The following SPAG17 variants were observed in gnomAD, a reference collection of about 807,000 sequenced individuals.
The protein encoded by SPAG17 is sperm-associated antigen 17.
SPAG17 carries 169 observed loss-of-function variants against 273.6 expected under a neutral mutation model. The ratio of observed to expected loss-of-function variants is 0.62; its 90% CI spans 0.55 to 0.70. The LOEUF (loss-of-function observed/expected upper bound fraction) is 0.70. SPAG17 is among the 30% of genes least tolerant of loss of function. The pLI, the probability that SPAG17 is intolerant of heterozygous loss-of-function variation, is 0.00. For missense variants in SPAG17, 2,557 were observed against 2,627.8 expected, an observed-to-expected ratio of 0.97 and a Z score of 0.59; for synonymous variants, 825 against 873.2, an observed-to-expected ratio of 0.94 and a Z score of 0.97.
chr1:118,096,957 A>G (rs1345577667), intron 7 of SPAG17, among the ~76,000 whole-genome samples: 1 of 152,178 alleles, frequency 6.6e-6, no homozygotes, highest in East Asian at 1.9e-4. Flanking sequence ...TTTTGGGGCC[A>G]GGCATGGTGG....
At chr1:117,959,444 T>A (rs1652726271) in intron 48 of SPAG17, 2 of 1,600,912 alleles carry the variant, frequency 1.2e-6, no homozygotes, top group African/African-American at 2.7e-5. Flanking sequence ...TAACGTTGAC[T>A]TAGAACTGAA....
At chr1:118,097,255 C>T (rs918811645) in intron 7 of SPAG17, among the ~76,000 whole-genome samples, 2 of 150,288 alleles carry the variant, frequency 1.3e-5, no homozygotes, top group African/African-American at 4.9e-5. Flanking sequence ...GGAATAAAAG[C>T]AAGGGCTTAG....
intron 1 of SPAG17, among the ~76,000 whole-genome samples, chr1:118,177,780 A>G (rs984544059): frequency 1.3e-5 from 2 of 152,166 alleles, no homozygotes; most frequent in African/African-American, 4.8e-5. Flanking sequence ...ATGAGAGACT[A>G]TTATGAACAA....
chr1:117,978,118 G>A lies in SPAG17; in HGVS notation c.6004+3152C>T, dbSNP rs1425467711. The stretch of plus-strand genomic sequence containing the variant: ...TATTATTCTGTCATATCCAGCAGGC[G>A]ATTATTTGACCTCACTGAGGTCTCT... On this transcript the variant is annotated intron_variant, in intron 43 of 48. Coordinates refer to ENST00000336338, the MANE Select transcript of SPAG17 (RefSeq NM_206996.4). Among the ~76,000 whole-genome samples the A allele has an allele frequency of 2.6e-5, 4 of 152,088 alleles. No individual in the cohort carries two copies. In the East Asian group the frequency reaches 5.8e-4, roughly 22 times the overall value.
rs977500197 is a variant in SPAG17, at chr1:118,073,954, A to C, written c.2285T>G (p.Met762Arg). The C allele has an allele frequency of 1.9e-6, 3 of 1,557,984 alleles. No homozygotes were observed. In the Admixed American group the frequency reaches 6.6e-5, roughly 34 times the overall value. Residue 762 changes from methionine (M) to arginine (R), a missense_variant, in exon 17 of 49, where the codon ATG (methionine) becomes AGG (arginine). By Grantham distance (91) the Met-to-Arg change is moderately conservative. Coordinates refer to ENST00000336338, the MANE Select transcript of SPAG17 (RefSeq NM_206996.4). ...ADSHEKKPKK[M>R]MVEADLEDIK... ...GTCCTCTAAATCTGCTTCCACCATC[A>C]TCTTCTTGGGTTTCTAAAATATCAT... is the stretch of plus-strand genomic sequence containing the variant.
chr1:118,107,730 T>G (rs983498639), intron 4 of SPAG17, among the ~76,000 whole-genome samples: 1 of 152,134 alleles, frequency 6.6e-6, no homozygotes, highest in African/African-American at 2.4e-5. Context: ...TTATAAAAAT[T>G]ATTACTAAAA....
rs769417439 is a variant in SPAG17 at position 118,042,045 on chromosome 1, G to GT, written c.2815-4dup. 1.9e-5 allele frequency: 30 copies of GT among 1,600,158 alleles called. No homozygotes were observed. Among genetic ancestry groups the GT allele is most frequent in the African/African-American group, 2.7e-5 (2 of 73,630 alleles). On this transcript the variant is annotated splice_polypyrimidine_tract_variant and splice_region_variant and intron_variant, in intron 20 of 48. Coordinates refer to ENST00000336338, the MANE Select transcript of SPAG17 (RefSeq NM_206996.4). The stretch of plus-strand genomic sequence containing the variant: ...CGATGTTGCTCTTCTTTCCATGCCT[G>GT]TAAACACATTTAAGAAATTTAACAG...
At chr1:117,966,183 A>G (rs963210881) in intron 47 of SPAG17, 3 of 154,532 alleles carry the variant, frequency 1.9e-5, no homozygotes, top group Non-Finnish European at 4.3e-5. Flanking sequence ...CTTGGAGGTA[A>G]TAGGTTCTTG....
intron 19 of SPAG17, among the ~76,000 whole-genome samples, chr1:118,055,225 C>G (rs1271269464): frequency 6.6e-6 from 1 of 152,078 alleles, no homozygotes; most frequent in Non-Finnish European, 1.5e-5. Flanking sequence ...CCTGTCAAGT[C>G]CCTGCCAGAG....
At chr1:118,106,291 G>T (rs576039144) in intron 4 of SPAG17, among the ~76,000 whole-genome samples, 27 of 151,868 alleles carry the variant, frequency 1.8e-4, no homozygotes, top group African/African-American at 5.8e-4. Flanking sequence ...ATTCTATCTC[G>T]TCAAGTCTTC....
At chr1:118,150,061 A>T (rs1659285704) in intron 3 of SPAG17, among the ~76,000 whole-genome samples, 1 of 152,208 alleles carries the variant, frequency 6.6e-6, no homozygotes, top group African/African-American at 2.4e-5. Context: ...AGTGGGATAT[A>T]AACCGTGCAC....
intron 1 of SPAG17, among the ~76,000 whole-genome samples, chr1:118,168,009 G>A (rs1009427750): frequency 6.6e-6 from 1 of 152,134 alleles, no homozygotes; most frequent in African/African-American, 2.4e-5. Flanking sequence ...TGTTATGACT[G>A]GAAGCTTCCT....
At chr1:118,065,583 G>T (rs369241525) in intron 18 of SPAG17, among the ~76,000 whole-genome samples, 100 of 152,068 alleles carry the variant, frequency 6.6e-4, no homozygotes, top group African/African-American at 2.2e-3. Context: ...AAGCAAATGT[G>T]GCAATTATAA....
intron 32 of SPAG17, among the ~76,000 whole-genome samples, chr1:118,001,140 G>GT (rs765713390): frequency 1.3e-5 from 2 of 152,182 alleles, no homozygotes; most frequent in Non-Finnish European, 2.9e-5. Flanking sequence ...GTTTGCGTAT[G>GT]TTGAACCAGC....
chr1:118,147,897 G>C (rs1217331686), intron 3 of SPAG17, among the ~76,000 whole-genome samples: 2 of 152,166 alleles, frequency 1.3e-5, no homozygotes, highest in African/African-American at 4.8e-5. Context: ...TTAGTTTGCT[G>C]CTTCTAATCA....
In SPAG17 at chr1:118,025,284, G is replaced by A. The variant is rs1374161508; in HGVS notation, c.3863C>T (p.Thr1288Ile). Residue 1288 changes from threonine to isoleucine, a missense_variant, in exon 27 of 49, where the codon ACC becomes ATC. Transcript: ENST00000336338. ...ATATTTGACAACAGTGCCTTGACTG[G>A]TGATAACCCTTGAAGCCTCCTGCTC... ...PAEQEASRVI[T>I]SQGTVVKYML... The A allele has an allele frequency of 6.2e-7, 1 of 1,613,594 alleles. No individual in the cohort carries two copies. Among genetic ancestry groups the A allele is most frequent in the Admixed American group, 1.7e-5 (1 of 59,914 alleles).
intron 18 of SPAG17, among the ~76,000 whole-genome samples, chr1:118,062,389 T>TAAAAAAAAAAAAA (rs1652428005): frequency 8.6e-6 from 1 of 115,810 alleles, no homozygotes; most frequent in Non-Finnish European, 1.8e-5. Flanking sequence ...AAAAAAAAAT[T>TAAAAAAAAAAAAA]AAAGAAAAAG....
At chr1:118,013,774 A>G (rs1659703678) in intron 29 of SPAG17, among the ~76,000 whole-genome samples, 1 of 152,216 alleles carries the variant, frequency 6.6e-6, no homozygotes, top group Non-Finnish European at 1.5e-5. Context: ...TCTGGTCACC[A>G]TAGAATAGGA....
intron 3 of SPAG17, among the ~76,000 whole-genome samples, chr1:118,123,062 C>A (rs2102276719): frequency 6.6e-6 from 1 of 152,210 alleles, no homozygotes; most frequent in African/African-American, 2.4e-5. Context: ...TATTTTGGTG[C>A]AGTGTATAAT....
Sources: allele counts gnomAD v4.1 joint callset (sites outside exome capture counted in the v4.1 genomes callset), GRCh38; gene constraint gnomAD v4.1.1; transcripts MANE v1.5; gene names NCBI Gene and HGNC (gene_info 2026-07-23, HGNC 2026-07-21).